Variants in CACNA1E observed in about 807,000 individuals in gnomAD.
The protein encoded by CACNA1E is calcium voltage-gated channel subunit alpha1 E, also known as voltage-dependent R-type calcium channel subunit alpha-1E.
A neutral mutation model predicts 259.2 loss-of-function variants in CACNA1E; 40 were observed. That is an observed-to-expected ratio of 0.15 (90% CI 0.12 to 0.20). CACNA1E has a LOEUF of 0.20. Ranked by LOEUF, CACNA1E falls within the 10% of genes least tolerant of loss-of-function variation. The pLI, the probability that CACNA1E is intolerant of heterozygous loss-of-function variation, is 1.00. For missense variants in CACNA1E, 1,874 were observed against 3,040.1 expected, an observed-to-expected ratio of 0.62 and a Z score of 9.02; for synonymous variants, 1,104 against 1,138.5, an observed-to-expected ratio of 0.97 and a Z score of 0.61.
At chr1:181,555,576 T>C (rs1648634855) in intron 3 of CACNA1E, among the ~76,000 whole-genome samples, 1 of 152,216 alleles carries the variant, frequency 6.6e-6, no homozygotes, top group Non-Finnish European at 1.5e-5. Context: ...TTTTCTCCTG[T>C]GGCACCTGCA....
intron 9 of CACNA1E, among the ~76,000 whole-genome samples, 175 bp from the exon 10 acceptor site, chr1:181,715,865 C>T (rs1027271452): frequency 1.3e-5 from 2 of 152,186 alleles, no homozygotes; most frequent in Non-Finnish European, 2.9e-5. Flanking sequence ...ACAGCATTTG[C>T]GGTCCGGTAG....
At chr1:181,711,782 G>A (rs916082566) in intron 8 of CACNA1E, among the ~76,000 whole-genome samples, 6 of 152,092 alleles carry the variant, frequency 3.9e-5, no homozygotes, top group Admixed American at 3.3e-4. Flanking sequence ...GCAGAAGGGG[G>A]AAGGAATAGG....
At chr1:181,388,388 T>G (rs992972235) in intron 1 of CACNA1E, among the ~76,000 whole-genome samples, 1 of 152,188 alleles carries the variant, frequency 6.6e-6, no homozygotes, top group African/African-American at 2.4e-5. Flanking sequence ...CGCTAGGTGA[T>G]TTTGTCATTG....
intron 3 of CACNA1E, among the ~76,000 whole-genome samples, chr1:181,552,568 A>G (rs1318129270): frequency 6.6e-6 from 1 of 151,862 alleles, no homozygotes; most frequent in East Asian, 1.9e-4. Context: ...TTTATTCAGC[A>G]ATGGAAGGAC....
At chr1:181,471,216 A>AATCATGT (rs1213163843) in intron 2 of CACNA1E, among the ~76,000 whole-genome samples, 3 of 152,200 alleles carry the variant, frequency 2.0e-5, no homozygotes, top group Non-Finnish European at 2.9e-5. Context: ...TAAAGACTTT[A>AATCATGT]CCTCTTAATA....
chr1:181,569,391 T>G (rs1650178597), intron 3 of CACNA1E, among the ~76,000 whole-genome samples: 1 of 152,202 alleles, frequency 6.6e-6, no homozygotes, highest in African/African-American at 2.4e-5. Context: ...CTTTTACACC[T>G]TTCCCAGCCT....
At chr1:181,735,680 G>C (rs142911111) in intron 21 of CACNA1E, among the ~76,000 whole-genome samples, 3 of 152,158 alleles carry the variant, frequency 2.0e-5, no homozygotes, top group Non-Finnish European at 4.4e-5. Context: ...AACCATGGCC[G>C]AGAAAAGCAC....
At chr1:181,796,897 A>C in intron 47 of CACNA1E, 39 bp downstream of exon 47, 1 of 1,456,570 alleles carries the variant, frequency 6.9e-7, no homozygotes, top group East Asian at 2.5e-5. Context: ...GCAGAAGGAC[A>C]GGGGAGGGTG....
At chr1:181,658,290 T>G (rs183228447) in intron 7 of CACNA1E, among the ~76,000 whole-genome samples, 7 of 152,364 alleles carry the variant, frequency 4.6e-5, no homozygotes, top group Admixed American at 4.6e-4. Context: ...TCACATCTTT[T>G]CATTCTCTTA....
chr1:181,587,755 C>T (rs1652217686), intron 6 of CACNA1E, among the ~76,000 whole-genome samples: 1 of 152,026 alleles, frequency 6.6e-6, no homozygotes, highest in African/African-American at 2.4e-5. Flanking sequence ...CAGTGGCGGG[C>T]GCCTGTAGTC....
At chr1:181,342,589 C>T (rs1384718484) in intron 1 of CACNA1E, among the ~76,000 whole-genome samples, 1 of 152,182 alleles carries the variant, frequency 6.6e-6, no homozygotes, top group Non-Finnish European at 1.5e-5. Flanking sequence ...AGAATCCTTG[C>T]CGTCTGATTC....
chr1:181,333,661 C>CTT (rs879632565), intron 1 of CACNA1E, among the ~76,000 whole-genome samples: 1 of 148,246 alleles, frequency 6.7e-6, no homozygotes, highest in African/African-American at 2.5e-5. Context: ...CTTTTTCTTT[C>CTT]TTTTTTTTTT....
At chr1:181,641,722 T>TG (rs1657790857) in intron 6 of CACNA1E, among the ~76,000 whole-genome samples, 9 of 143,694 alleles carry the variant, frequency 6.3e-5, no homozygotes, top group Admixed American at 1.4e-4. Flanking sequence ...TTTTTTTTTT[T>TG]TTTTTTTTTG....
chr1:181,374,426 G>GT (rs981112109), intron 1 of CACNA1E, among the ~76,000 whole-genome samples: 6 of 149,466 alleles, frequency 4.0e-5, no homozygotes, highest in East Asian at 2.0e-4. Flanking sequence ...AATTGATTCA[G>GT]TTTTTTTTCT....
At chr1:181,383,528 G>A (rs2102005675) in intron 1 of CACNA1E, among the ~76,000 whole-genome samples, 1 of 152,254 alleles carries the variant, frequency 6.6e-6, no homozygotes, top group Admixed American at 6.5e-5. Flanking sequence ...AGAAAACTCT[G>A]ACTGAGCAGG....
intron 3 of CACNA1E, among the ~76,000 whole-genome samples, chr1:181,567,636 C>G (rs1328230966): frequency 1.3e-5 from 2 of 152,172 alleles, no homozygotes; most frequent in Non-Finnish European, 2.9e-5. Flanking sequence ...AGATTCTCTT[C>G]TACAATGCCA....
At chr1:181,525,603 A>G (rs593863) in intron 3 of CACNA1E, among the ~76,000 whole-genome samples, 2,615 of 152,312 alleles carry the variant, frequency 0.017, 68 homozygotes, top group African/African-American at 0.057. Flanking sequence ...GTCTAGTAAA[A>G]CAGAGGATCA....
chr1:181,604,032 G>GCCA (rs977355483), intron 6 of CACNA1E, among the ~76,000 whole-genome samples: 1 of 152,318 alleles, frequency 6.6e-6, no homozygotes, highest in Non-Finnish European at 1.5e-5. Context: ...GAGCTAGACA[G>GCCA]CCATTCTCAT....
chr1:181,571,243 G>T (rs1259479430), intron 3 of CACNA1E, among the ~76,000 whole-genome samples: 1 of 152,188 alleles, frequency 6.6e-6, no homozygotes, highest in Admixed American at 6.5e-5. Context: ...GATGGAACTG[G>T]GATTTGAAAC....
Sources: allele counts gnomAD v4.1 joint callset (sites outside exome capture counted in the v4.1 genomes callset), GRCh38; gene constraint gnomAD v4.1.1; transcripts MANE v1.5; gene names NCBI Gene and HGNC (gene_info 2026-07-23, HGNC 2026-07-21).